SMURF2: variants seen among roughly 807,000 people sequenced by gnomAD.
SMURF2 encodes SMAD specific E3 ubiquitin protein ligase 2.
In SMURF2, 48 loss-of-function variants were observed where a neutral mutation model predicts 109.6. The ratio of observed to expected loss-of-function variants is 0.44; its 90% CI spans 0.35 to 0.56. SMURF2 has a LOEUF of 0.56. Ranked by LOEUF, SMURF2 falls within the 20% of genes least tolerant of loss-of-function variation. The probability of loss-of-function intolerance (pLI) is 0.01; values close to 1 mark genes in which losing one functional copy is unlikely to be tolerated. For missense variants in SMURF2, 575 were observed against 909.0 expected, an observed-to-expected ratio of 0.63 and a Z score of 4.72; for synonymous variants, 288 against 317.1, an observed-to-expected ratio of 0.91 and a Z score of 0.97.
At chr17:64,551,554 C>A in intron 16 of SMURF2, 30 bp downstream of exon 16, 2 of 1,606,506 alleles carry the variant, frequency 1.2e-6, no homozygotes. Context: ...CCTTGTTACA[C>A]TAGTGATGTT....
chr17:64,553,151 C>T (rs558476869), intron 15 of SMURF2, among the ~76,000 whole-genome samples: 1 of 152,156 alleles, frequency 6.6e-6, no homozygotes, highest in Non-Finnish European at 1.5e-5. Context: ...GCATCATCTC[C>T]ACTCCCTCAT....
rs893902342 is a variant in SMURF2 at position 64,662,246 on chromosome 17, TC to T, written c.-367del. 1 of 982,134 alleles carries T rather than the reference TC, an allele frequency of 1.0e-6. No individual in the cohort carries two copies. Among genetic ancestry groups the T allele is most frequent in the African/African-American group, 1.8e-5 (1 of 56,534 alleles). 60.8% of individuals were successfully genotyped at this position (982,134 alleles called of 1,614,324 possible). A position where few individuals can be genotyped will look rare whatever the true frequency, so the allele number is the denominator to read the frequency against. Reference sequence around the variant, plus strand: ...GCTGGTCGGCTGAAGCGGGCGGTGCTCGGGGGCGCCGGAGCAGAACTCTGGG... The same window carrying T: ...GCTGGTCGGCTGAAGCGGGCGGTGCTGGGGGCGCCGGAGCAGAACTCTGGG... On this transcript the variant is annotated 5_prime_UTR_variant, in exon 1 of 19. Transcript: ENST00000262435.
At chr17:64,633,974 T>C (rs1387085693) in intron 1 of SMURF2, among the ~76,000 whole-genome samples, 1 of 152,076 alleles carries the variant, frequency 6.6e-6, no homozygotes, top group Non-Finnish European at 1.5e-5. Context: ...ATGGCCAACA[T>C]GGCGAAACTG....
chr17:64,552,938 A>G (rs1213602852), intron 15 of SMURF2, among the ~76,000 whole-genome samples: 1 of 152,128 alleles, frequency 6.6e-6, no homozygotes, highest in Admixed American at 6.5e-5. Context: ...TCCTGACCTC[A>G]GGTGATCCAC....
At chr17:64,649,031 A>G (rs782227165) in intron 1 of SMURF2, among the ~76,000 whole-genome samples, 34 of 152,232 alleles carry the variant, frequency 2.2e-4, no homozygotes, top group Admixed American at 1.8e-3. Flanking sequence ...AGAAAGTTAC[A>G]TGTAAAGCCT....
At position 64,654,470 on chromosome 17, in the gene SMURF2, G is replaced by A. The variant is rs568603223; in HGVS notation, c.52+7359C>T. Among the ~76,000 whole-genome samples the A allele has an allele frequency of 2.2e-4, 33 of 152,248 alleles. 1 individual carries two copies. In the South Asian group the frequency reaches 3.9e-3, roughly 18 times the overall value. On this transcript the variant is annotated intron_variant, in intron 1 of 18. Coordinates refer to ENST00000262435, the MANE Select transcript of SMURF2 (RefSeq NM_022739.4). ...CTACTTATATGTTGGAGAGAAATCCGAGAGAAAAGAAAAATTTTAAGTGTT... is the reference window on the plus strand; with the variant it reads ...CTACTTATATGTTGGAGAGAAATCCAAGAGAAAAGAAAAATTTTAAGTGTT...
chr17:64,560,252 T>A (rs1388027535), intron 12 of SMURF2, among the ~76,000 whole-genome samples: 1 of 152,066 alleles, frequency 6.6e-6, no homozygotes, highest in Non-Finnish European at 1.5e-5. Flanking sequence ...AACTACTTAT[T>A]TGATCTATAC....
chr17:64,655,152 G>A (rs189690765), intron 1 of SMURF2, among the ~76,000 whole-genome samples: 9 of 149,936 alleles, frequency 6.0e-5, no homozygotes, highest in African/African-American at 2.2e-4. Context: ...TTAAATAAAT[G>A]TAAAAAACAT....
Position 64,578,563 on chromosome 17 carries a change from C to T in SMURF2, c.786G>A (p.Thr262=), listed in dbSNP as rs189660096. The T allele has an allele frequency of 2.1e-5, 34 of 1,612,262 alleles. No homozygotes were observed. In the Admixed American group the frequency reaches 2.5e-4, roughly 12 times the overall value. Reference sequence around the variant, plus strand: ...GTAAGAAATACACCTGGCCTTGTTGCGTTGTCCTCTGTTCTGTAAAATTAA... The same window carrying T: ...GTAAGAAATACACCTGGCCTTGTTGTGTTGTCCTCTGTTCTGTAAAATTAA... The part of the protein sequence containing the change: ...DLPEGYEQRT[T]QQGQVYFLHT... Residue 262 remains threonine (T), a synonymous_variant, in exon 9 of 19, where the codon ACG becomes ACA. Coordinates refer to ENST00000262435, the MANE Select transcript of SMURF2 (RefSeq NM_022739.4).
In SMURF2 at chr17:64,649,968, C is replaced by G. The variant is rs549539254; in HGVS notation, c.52+11861G>C. ...TTTATGCCTTTTTTTTCTTGCCTAG[C>G]TAGGATTTCAATCCAAAATGCTTAC... On this transcript the variant is annotated intron_variant, in intron 1 of 18. Coordinates refer to ENST00000262435, the MANE Select transcript of SMURF2 (RefSeq NM_022739.4). Among the ~76,000 whole-genome samples, 14 of 152,038 alleles carry G rather than the reference C, an allele frequency of 9.2e-5. No homozygotes were observed. The East Asian group carries it at 2.3e-3, about 25-fold the overall frequency.
intron 1 of SMURF2, among the ~76,000 whole-genome samples, chr17:64,656,594 G>A (rs1369095058): frequency 6.6e-6 from 1 of 151,802 alleles, no homozygotes; most frequent in African/African-American, 2.4e-5. Context: ...AATTACTCAT[G>A]AAACCTTAAA....
intron 6 of SMURF2, among the ~76,000 whole-genome samples, chr17:64,584,451 C>T (rs1239114044): frequency 6.7e-5 from 10 of 148,232 alleles, no homozygotes; most frequent in Non-Finnish European, 8.9e-5. Flanking sequence ...CTACGCCTCC[C>T]GGGTTCAAGC....
At chr17:64,582,939 C>T (rs1336168670) in intron 7 of SMURF2, among the ~76,000 whole-genome samples, 3 of 151,432 alleles carry the variant, frequency 2.0e-5, no homozygotes, top group Non-Finnish European at 4.4e-5. Context: ...CATTCTATCA[C>T]CCAGGTTAGA....
At chr17:64,657,655 G>T (rs1340862113) in intron 1 of SMURF2, among the ~76,000 whole-genome samples, 4 of 151,594 alleles carry the variant, frequency 2.6e-5, no homozygotes, top group African/African-American at 9.7e-5. Context: ...AGTAAGCCGG[G>T]ATTGCTCACT....
At chr17:64,600,172 C>A (rs1287498121) in intron 2 of SMURF2, among the ~76,000 whole-genome samples, 1 of 151,910 alleles carries the variant, frequency 6.6e-6, no homozygotes, top group African/African-American at 2.4e-5. Context: ...ATGAAAAGAC[C>A]CTGAATGAGG....
chr17:64,627,326 G>A (rs1456074598), intron 1 of SMURF2, among the ~76,000 whole-genome samples: 2 of 152,006 alleles, frequency 1.3e-5, no homozygotes, highest in East Asian at 1.9e-4. Context: ...TTATTGGCCA[G>A]GCTGGTCTCG....
intron 1 of SMURF2, among the ~76,000 whole-genome samples, chr17:64,620,065 T>C (rs1361370580): frequency 6.6e-6 from 1 of 152,182 alleles, no homozygotes; most frequent in African/African-American, 2.4e-5. Context: ...TTGACCTCCG[T>C]AGTGCTGTGA....
chr17:64,568,067 GA>G (rs1457525488), intron 10 of SMURF2, among the ~76,000 whole-genome samples: 2 of 151,954 alleles, frequency 1.3e-5, no homozygotes, highest in African/African-American at 4.8e-5. Flanking sequence ...TATTAGCCAG[GA>G]TGGTCTCGAT....
chr17:64,546,133 C>T, intron 18 of SMURF2, 130 bp downstream of exon 18: 1 of 989,364 alleles, frequency 1.0e-6, no homozygotes, highest in Non-Finnish European at 1.5e-6. Flanking sequence ...TTTTAAATCA[C>T]TTAAGTTGCT....
Sources: allele counts gnomAD v4.1 joint callset (sites outside exome capture counted in the v4.1 genomes callset), GRCh38; gene constraint gnomAD v4.1.1; transcripts MANE v1.5; gene names NCBI Gene and HGNC (gene_info 2026-07-23, HGNC 2026-07-21).